DNAJC12: variants seen among roughly 807,000 people sequenced by gnomAD.
The protein encoded by DNAJC12 is DnaJ heat shock protein family (Hsp40) member C12.
A neutral mutation model predicts 28.5 loss-of-function variants in DNAJC12; 25 were observed. The observed-to-expected ratio is 0.88, with a 90% confidence interval of 0.64 to 1.22. DNAJC12 has a LOEUF of 1.22. Ranked by LOEUF, DNAJC12 falls within the 50% of genes most tolerant of loss-of-function variation. DNAJC12 has a pLI of 0.00. For missense variants in DNAJC12, 222 were observed against 231.7 expected (o/e 0.96, Z 0.27); for synonymous variants, 77 against 80.6 (o/e 0.95, Z 0.24).
At chr10:67,825,738 G>A (rs1034818058) in intron 1 of DNAJC12, 15 of 11,158 alleles carry the variant, frequency 1.3e-3, no homozygotes, top group South Asian at 9.2e-3. Context: ...TATTAGATAC[G>A]CATATGTATA....
intron 1 of DNAJC12, among the ~76,000 whole-genome samples, chr10:67,824,366 TAA>T (rs571869202): frequency 2.0e-5 from 3 of 152,228 alleles, no homozygotes; most frequent in South Asian, 4.1e-4. Flanking sequence ...CTCTGAATTA[TAA>T]GTTATAATTT....
intron 4 of DNAJC12, among the ~76,000 whole-genome samples, chr10:67,802,987 C>G (rs1051251118): frequency 6.7e-6 from 1 of 149,344 alleles, no homozygotes; most frequent in South Asian, 2.1e-4. Flanking sequence ...ATTACAGGCA[C>G]GCACCACCAC....
intron 4 of DNAJC12, among the ~76,000 whole-genome samples, chr10:67,797,943 G>A (rs1404225987): frequency 7.2e-5 from 11 of 151,932 alleles, no homozygotes; most frequent in African/African-American, 2.7e-4. Context: ...GGGAGGCTGA[G>A]GCAGGAGAAT....
intron 4 of DNAJC12, among the ~76,000 whole-genome samples, chr10:67,799,040 C>T (rs1841710058): frequency 6.6e-6 from 1 of 152,200 alleles, no homozygotes; most frequent in African/African-American, 2.4e-5. Context: ...GCTGGGATTA[C>T]AGGCGTCAGC....
chr10:67,813,531 C>A (rs185817559), intron 2 of DNAJC12, among the ~76,000 whole-genome samples: 1 of 151,020 alleles, frequency 6.6e-6, no homozygotes, highest in Non-Finnish European at 1.5e-5. Flanking sequence ...GGGCGGATCA[C>A]GAGGTCAGGA....
At chr10:67,828,166 G>A (rs1047429798) in intron 1 of DNAJC12, among the ~76,000 whole-genome samples, 4 of 152,048 alleles carry the variant, frequency 2.6e-5, no homozygotes, top group African/African-American at 4.8e-5. Flanking sequence ...GGATTGTAAC[G>A]ACCAGTGTTA....
intron 4 of DNAJC12, among the ~76,000 whole-genome samples, chr10:67,799,677 A>G (rs1251492381): frequency 3.9e-5 from 6 of 151,982 alleles, no homozygotes; most frequent in Non-Finnish European, 5.9e-5. Flanking sequence ...AAGGTTGGGA[A>G]TTCGAGACCA....
intron 2 of DNAJC12, among the ~76,000 whole-genome samples, chr10:67,814,627 T>C (rs1185336064): frequency 6.6e-6 from 1 of 152,214 alleles, no homozygotes; most frequent in Admixed American, 6.5e-5. Context: ...ATAAGGTACT[T>C]ATATCTAGAA....
intron 2 of DNAJC12, among the ~76,000 whole-genome samples, chr10:67,815,453 A>G (rs1214116929): frequency 6.9e-6 from 1 of 144,048 alleles, no homozygotes; most frequent in Non-Finnish European, 1.5e-5. Context: ...GGTTTCGGTG[A>G]GCCGTGATCA....
At chr10:67,797,857 G>T (rs577736117) in intron 4 of DNAJC12, among the ~76,000 whole-genome samples, 3 of 151,884 alleles carry the variant, frequency 2.0e-5, no homozygotes, top group Admixed American at 1.3e-4. Flanking sequence ...TGGCTAACAC[G>T]GTGAAACCCC....
At chr10:67,820,498 G>A (rs1199711146) in intron 2 of DNAJC12, among the ~76,000 whole-genome samples, 1 of 152,152 alleles carries the variant, frequency 6.6e-6, no homozygotes, top group African/African-American at 2.4e-5. Context: ...CTGGGGTGCT[G>A]AAGATGCTCC....
intron 2 of DNAJC12, among the ~76,000 whole-genome samples, chr10:67,816,298 T>C (rs1051482063): frequency 2.0e-5 from 3 of 152,114 alleles, no homozygotes; most frequent in Non-Finnish European, 4.4e-5. Context: ...CTGTTAATAG[T>C]GGTTCTCTAT....
chr10:67,806,877 T>C (rs1424925973), intron 3 of DNAJC12, among the ~76,000 whole-genome samples: 1 of 151,392 alleles, frequency 6.6e-6, no homozygotes, highest in Non-Finnish European at 1.5e-5. Flanking sequence ...AAAATATAAC[T>C]GTAGTTATGC....
At chr10:67,826,476 A>G (rs1328996689) in intron 1 of DNAJC12, among the ~76,000 whole-genome samples, 1 of 145,704 alleles carries the variant, frequency 6.9e-6, no homozygotes, top group East Asian at 2.0e-4. Flanking sequence ...GCATATATAT[A>G]TATATAAGAT....
At chr10:67,805,455 A>T in intron 4 of DNAJC12, 128 bp downstream of exon 4, 1 of 996,280 alleles carries the variant, frequency 1.0e-6, no homozygotes, top group Non-Finnish European at 1.5e-6. Flanking sequence ...AGTGTCTTTT[A>T]AGATGATAAA....
At chr10:67,800,393 T>C (rs1238414488) in intron 4 of DNAJC12, among the ~76,000 whole-genome samples, 1 of 152,156 alleles carries the variant, frequency 6.6e-6, no homozygotes, top group African/African-American at 2.4e-5. Context: ...GGAGATAATA[T>C]AAAACTTCTT....
chr10:67,827,767 C>T (rs1025685051), intron 1 of DNAJC12: 3 of 151,982 alleles, frequency 2.0e-5, no homozygotes, highest in African/African-American at 4.8e-5. Flanking sequence ...TGTTTACATG[C>T]GTGACTGTTA....
chr10:67,809,338 C>T (rs111834083), intron 3 of DNAJC12, among the ~76,000 whole-genome samples: 3,434 of 152,196 alleles, frequency 0.023, 139 homozygotes, highest in African/African-American at 0.078. Context: ...CTAAGATTCT[C>T]TGGAATCCTG....
At chr10:67,798,828 C>T (rs1379500958) in intron 4 of DNAJC12, among the ~76,000 whole-genome samples, 1 of 147,780 alleles carries the variant, frequency 6.8e-6, no homozygotes, top group Non-Finnish European at 1.5e-5. Flanking sequence ...TGCAATGGCG[C>T]GATCTCAGCT....
Sources: allele counts gnomAD v4.1 joint callset (sites outside exome capture counted in the v4.1 genomes callset), GRCh38; gene constraint gnomAD v4.1.1; transcripts MANE v1.5; gene names NCBI Gene and HGNC (gene_info 2026-07-23, HGNC 2026-07-21).